Variants in FHIP1B observed in about 807,000 individuals in gnomAD.
The protein encoded by FHIP1B is FHF complex subunit HOOK-interacting protein 1B.
Under a neutral mutation model 82.2 loss-of-function variants are expected in FHIP1B, and 28 were observed. The ratio of observed to expected loss-of-function variants is 0.34; its 90% CI spans 0.25 to 0.47. The LOEUF (loss-of-function observed/expected upper bound fraction) is 0.47, where lower values mean the gene tolerates loss of function less well. Ranked by LOEUF, FHIP1B falls within the 20% of genes least tolerant of loss-of-function variation. The pLI is 1.00. For synonymous variants in FHIP1B, 585 were observed against 516.1 expected, an observed-to-expected ratio of 1.13 and a Z score of -1.81; for missense variants, 1,110 against 1,262.6, an observed-to-expected ratio of 0.88 and a Z score of 1.83.
chr11:6,223,180 G>A lies in FHIP1B; in HGVS notation c.836C>T (p.Pro279Leu). The A allele has an allele frequency of 1.2e-6, 2 of 1,608,486 alleles. No individual in the cohort carries two copies. Among genetic ancestry groups the A allele is most frequent in the Non-Finnish European group, 1.7e-6 (2 of 1,178,710 alleles). The part of the protein sequence containing the change: ...YSSLPRKIEV[P>L]GDDWHCLRRE... ...TCGCAGACAGTGCCAATCATCCCCT[G>A]GAACCTCAATCTTTCGAGGCAGTGA... The change falls in exon 4 of 12, where the codon CCA becomes CTA. Residue 279 changes from proline (P) to leucine (L), a missense_variant. Pro to Leu is a moderately conservative substitution (Grantham distance 98, BLOSUM62 -3). Coordinates refer to ENST00000449352, the MANE Select transcript of FHIP1B (RefSeq NM_001098794.2). The surrounding 1 kb of genome is among the most constrained non-coding windows in gnomAD (Gnocchi z 4.8).
rs757345885 is a variant in FHIP1B at position 6,218,741 on chromosome 11, C to T, written c.1294G>A (p.Val432Ile). ...ACAGCCGGCTTCTGGCTCAGCATAA[C>T]GTGGTTACATGGAACAAGATACCTG... ...VLRYLVPCNH[V>I]MLSQKPAVRD... The change falls in exon 8 of 12, where the codon GTT becomes ATT. Residue 432 changes from valine to isoleucine, a missense_variant. Physicochemically the swap from Val to Ile is conservative, Grantham distance 29. Coordinates refer to ENST00000449352, the MANE Select transcript of FHIP1B (RefSeq NM_001098794.2). The T allele has an allele frequency of 4.3e-6, 7 of 1,614,036 alleles. No individual in the cohort carries two copies. The Admixed American group carries it at 5.0e-5, about 12-fold the overall frequency.
At chr11:6,220,545 T>C (rs1357252984) in intron 6 of FHIP1B, among the ~76,000 whole-genome samples, 6 of 152,206 alleles carry the variant, frequency 3.9e-5, no homozygotes, top group Non-Finnish European at 7.3e-5. Flanking sequence ...AGGCAGGCTA[T>C]ATACGTTACA....
At chr11:6,222,349 G>C in intron 6 of FHIP1B, 93 bp downstream of exon 6, 1 of 1,405,520 alleles carries the variant, frequency 7.1e-7, no homozygotes, top group Non-Finnish European at 9.9e-7. Context: ...TGGAGATACA[G>C]GCAAAAGAAG....
At chr11:6,220,957 T>G (rs1175158409) in intron 6 of FHIP1B, among the ~76,000 whole-genome samples, 10 of 152,218 alleles carry the variant, frequency 6.6e-5, no homozygotes, top group Admixed American at 6.5e-4. Flanking sequence ...TCCCTATTGG[T>G]TCCAATAAAT....
intron 6 of FHIP1B, among the ~76,000 whole-genome samples, chr11:6,221,075 T>TGTTGTA (rs1157633771): frequency 6.6e-6 from 1 of 152,214 alleles, no homozygotes; most frequent in African/African-American, 2.4e-5. Flanking sequence ...GCTCAGAATC[T>TGTTGTA]GTTGTAGTTG....
Position 6,214,814 on chromosome 11 carries a change from G to C in FHIP1B, c.2313C>G (p.Ala771=). ...AGCGGAGCAGGGGCTGGGGGTGACA[G>C]GCCAGCTGGGCCACCAGCCCCGTCA... ...FLLTGLVAQL[A]CHPQPLLRSF... is the part of the protein sequence containing the mutation. The change falls in exon 10 of 12, where the codon GCC becomes GCG. Residue 771 remains alanine (A), a synonymous_variant. Coordinates refer to ENST00000449352, the MANE Select transcript of FHIP1B (RefSeq NM_001098794.2). 1 of 1,611,966 alleles carries C rather than the reference G, an allele frequency of 6.2e-7. No homozygotes were observed. Among genetic ancestry groups the C allele is most frequent in the Middle Eastern group, 1.7e-4 (1 of 6,054 alleles).
intron 5 of FHIP1B, 62 bp downstream of exon 5, chr11:6,222,749 C>T: frequency 1.3e-6 from 2 of 1,575,656 alleles, no homozygotes; most frequent in Middle Eastern, 1.7e-4. Context: ...TACGTTAGTC[C>T]TGTCACTGAG....
chr11:6,211,830 C>G lies in FHIP1B; in HGVS notation c.2595G>C (p.Leu865=). The G allele has an allele frequency of 6.3e-7, 1 of 1,596,342 alleles. No homozygotes were observed. The highest frequency in any genetic ancestry group is 8.5e-7 in the Non-Finnish European group (1 of 1,172,976). Residue 865 remains leucine, a synonymous_variant, in exon 12 of 12, where the codon CTG becomes CTC. Coordinates refer to ENST00000449352, the MANE Select transcript of FHIP1B (RefSeq NM_001098794.2). ...SRRPSLGELL[L]RHAHSPTRAR... is the part of the protein sequence containing the mutation. ...CCCTGGTTGGACTGTGTGCATGCCGCAGGAGTAACTCCCCCAAGGATGGCC... is the reference window on the plus strand; with the variant it reads ...CCCTGGTTGGACTGTGTGCATGCCGGAGGAGTAACTCCCCCAAGGATGGCC...
In FHIP1B at chr11:6,211,824, A is replaced by C. The variant is rs371617362; in HGVS notation, c.2601T>G (p.His867Gln). 6.2e-7 allele frequency: 1 copy of C among 1,604,398 alleles called. No homozygotes were observed. Among genetic ancestry groups the C allele is most frequent in the Non-Finnish European group, 8.5e-7 (1 of 1,176,010 alleles). Residue 867 changes from histidine (H) to glutamine (Q), a missense_variant, in exon 12 of 12, where the codon CAT becomes CAG. Physicochemically the swap from His to Gln is conservative, Grantham distance 24. This residue lies in a region of FHIP1B where 147 missense variants were observed against 154.0 expected (regional missense o/e 0.95). Coordinates refer to ENST00000449352, the MANE Select transcript of FHIP1B (RefSeq NM_001098794.2). ...RPSLGELLLRHAHSPTRARQA... is the reference protein window; with the variant it reads ...RPSLGELLLRQAHSPTRARQA... ...GCCGGGCCCTGGTTGGACTGTGTGC[A>C]TGCCGCAGGAGTAACTCCCCCAAGG...
At chr11:6,229,828 C>G (rs1038087269) in intron 1 of FHIP1B, among the ~76,000 whole-genome samples, 3 of 152,068 alleles carry the variant, frequency 2.0e-5, no homozygotes, top group Non-Finnish European at 4.4e-5. Context: ...TAAACTGGGC[C>G]CTGTTCACAT....
intron 1 of FHIP1B, among the ~76,000 whole-genome samples, chr11:6,232,336 C>T (rs898901591): frequency 2.6e-5 from 4 of 152,314 alleles, no homozygotes; most frequent in Non-Finnish European, 4.4e-5. Context: ...AAGATGTGAT[C>T]CAGGTATTAT....
intron 8 of FHIP1B, 132 bp downstream of exon 8, chr11:6,218,468 C>G (rs1245070926): frequency 1.4e-6 from 2 of 1,396,996 alleles, no homozygotes; most frequent in Non-Finnish European, 2.0e-6. Flanking sequence ...CCTCATCAAC[C>G]TCCCCAAAGA....
chr11:6,223,630 C>G lies in FHIP1B; in HGVS notation c.757G>C (p.Asp253His), dbSNP rs758777342. Residue 253 changes from aspartate to histidine, a missense_variant, in exon 3 of 12, where the codon GAT (aspartate) becomes CAT (histidine). By Grantham distance (81) the Asp-to-His change is moderately conservative. Around this residue, in one of 6 missense-constraint regions of FHIP1B, gnomAD observed 467 missense variants for 602.9 expected, o/e 0.77. Transcript: ENST00000449352. The surrounding 1 kb of genome is among the most constrained non-coding windows in gnomAD (Gnocchi z 4.8). ...GSPTVGRYIA[D>H]HSYFCPVLAT... is the part of the protein sequence containing the mutation. Reference sequence around the variant, plus strand: ...CTAACCGGGCAGAAGTAAGAGTGATCCGCGATGTAGCGGCCCACAGTGGGG... The same window carrying G: ...CTAACCGGGCAGAAGTAAGAGTGATGCGCGATGTAGCGGCCCACAGTGGGG... 1.4e-5 allele frequency: 22 copies of G among 1,597,902 alleles called. No homozygotes were observed. Among genetic ancestry groups the G allele is most frequent in the Non-Finnish European group, 1.9e-5 (22 of 1,171,230 alleles).
At position 6,214,611 on chromosome 11, in the gene FHIP1B, T is replaced by C. The variant is rs141081468; in HGVS notation, c.2395-38A>G. On this transcript the variant is annotated intron_variant, in intron 10 of 11. Coordinates refer to ENST00000449352, the MANE Select transcript of FHIP1B (RefSeq NM_001098794.2). ...CCTTCGTGACATTTCTGAGCAGCTC[T>C]AGACTGATACAGTCCTTTCTAGTCC... is the stretch of plus-strand genomic sequence containing the variant. The C allele has an allele frequency of 8.6e-5, 136 of 1,586,144 alleles. 1 individual carries two copies. In the African/African-American group the frequency reaches 1.6e-3, roughly 19 times the overall value.
In FHIP1B at chr11:6,217,363, T is replaced by G; in HGVS notation, c.2215+8A>C. On this transcript the variant is annotated splice_region_variant and intron_variant, in intron 9 of 11. Coordinates refer to ENST00000449352, the MANE Select transcript of FHIP1B (RefSeq NM_001098794.2). ...CACAGAAGGGAAGGCCTAGGCTAAGTAGCTTACCAGTGAAGGGCTGGCTTG... is the reference window on the plus strand; with the variant it reads ...CACAGAAGGGAAGGCCTAGGCTAAGGAGCTTACCAGTGAAGGGCTGGCTTG... The G allele has an allele frequency of 1.2e-6, 2 of 1,612,888 alleles. No homozygotes were observed. Among genetic ancestry groups the G allele is most frequent in the South Asian group, 1.1e-5 (1 of 91,068 alleles).
intron 9 of FHIP1B, 175 bp from the exon 10 acceptor site, chr11:6,215,086 A>G: frequency 1.9e-6 from 1 of 529,172 alleles, no homozygotes; most frequent in Non-Finnish European, 3.2e-6. Flanking sequence ...GATGGCAGAC[A>G]CCATATGGAC....
Position 6,232,615 on chromosome 11 carries a change from G to A in FHIP1B, c.-192+1929C>T, listed in dbSNP as rs565033524. 3.3e-5 allele frequency among the ~76,000 whole-genome samples: 5 copies of A among 152,276 alleles called. No individual in the cohort carries two copies. In the East Asian group the frequency reaches 5.8e-4, roughly 18 times the overall value. On this transcript the variant is annotated intron_variant, in intron 1 of 11. Transcript: ENST00000449352. Reference sequence around the variant, plus strand: ...TCTCATCTATAAAATGAAAGTTCCTGTCTTTGTCTACAAGGTATCTATATA... The same window carrying A: ...TCTCATCTATAAAATGAAAGTTCCTATCTTTGTCTACAAGGTATCTATATA...
intron 7 of FHIP1B, 27 bp from the exon 8 acceptor site, chr11:6,218,790 C>T (rs1564862364): frequency 6.2e-7 from 1 of 1,611,420 alleles, no homozygotes; most frequent in Non-Finnish European, 8.5e-7. Context: ...AAAGGGGACA[C>T]AGGGTAGATC....
intron 6 of FHIP1B, among the ~76,000 whole-genome samples, chr11:6,221,373 C>G (rs1025432787): frequency 5.3e-5 from 8 of 151,920 alleles, no homozygotes. Context: ...AAAAATGGTC[C>G]CAGAGGCAAA....
Sources: allele counts gnomAD v4.1 joint callset (sites outside exome capture counted in the v4.1 genomes callset), GRCh38; gene constraint gnomAD v4.1.1; regional missense constraint gnomAD v4.1.1; non-coding constraint Gnocchi (gnomAD v3.1); transcripts MANE v1.5; gene names NCBI Gene and HGNC (gene_info 2026-07-23, HGNC 2026-07-21).